DPP6: variants seen among roughly 807,000 people sequenced by gnomAD.
The protein encoded by DPP6 is A-type potassium channel modulatory protein DPP6.
DPP6 carries 69 observed loss-of-function variants against 122.6 expected under a neutral mutation model. That is an observed-to-expected ratio of 0.56 (90% CI 0.46 to 0.69). DPP6 has a LOEUF of 0.69. DPP6 is among the 30% of genes least tolerant of loss of function. The pLI, the probability that DPP6 is intolerant of heterozygous loss-of-function variation, is 0.00. For synonymous variants in DPP6, 418 were observed against 433.1 expected (o/e 0.97, Z 0.43); for missense variants, 928 against 1,116.9 (o/e 0.83, Z 2.41).
chr7:154,561,274 C>T (rs1177684404), intron 4 of DPP6, among the ~76,000 whole-genome samples: 1 of 152,194 alleles, frequency 6.6e-6, no homozygotes, highest in African/African-American at 2.4e-5. Context: ...GTGTGCATCA[C>T]ATCACTCATC....
chr7:153,863,663 A>C, the DPP6 span, among the ~76,000 whole-genome samples: 1 of 152,160 alleles, frequency 6.6e-6, no homozygotes, highest in African/African-American at 2.4e-5. Context: ...GACTGAATTT[A>C]ATTTTAGAAC....
At chr7:154,305,041 A>AGCCCCG (rs1806183747) in intron 1 of DPP6, 1 of 11,912 alleles carries the variant, frequency 8.4e-5, no homozygotes, top group Non-Finnish European at 2.5e-4. Context: ...CCCCAGCCCC[A>AGCCCCG]GCCCCAGCCC....
intron 1 of DPP6, among the ~76,000 whole-genome samples, chr7:154,134,052 G>A (rs1284495958): frequency 7.2e-5 from 11 of 151,970 alleles, no homozygotes; most frequent in Admixed American, 3.9e-4. Flanking sequence ...TTTCCACTGT[G>A]CACAGGGCTG....
At chr7:154,864,019 C>T (rs765327751) in intron 17 of DPP6, among the ~76,000 whole-genome samples, 4 of 151,936 alleles carry the variant, frequency 2.6e-5, no homozygotes, top group African/African-American at 4.8e-5. Flanking sequence ...GGAAGGTGCA[C>T]GTGAGGAGTG....
chr7:154,807,113 G>T lies in DPP6; in HGVS notation c.1666+1G>T, dbSNP rs370301037. 5 of 1,612,150 alleles carry T rather than the reference G, an allele frequency of 3.1e-6. No homozygotes were observed. Among genetic ancestry groups the T allele is most frequent in the African/African-American group, 2.7e-5 (2 of 74,918 alleles). On this transcript the variant is annotated splice_donor_variant, in intron 16 of 25. Coordinates refer to ENST00000377770, the MANE Select transcript of DPP6 (RefSeq NM_130797.4). LOFTEE classifies it high-confidence loss of function. ...GACTTCTTCCTGCTCAAGTGCGAAG[G>T]TCAGCTCCTGCCACCCCGTCAGGGC...
At chr7:153,901,561 C>T (rs1799640114) in intron 1 of DPP6, among the ~76,000 whole-genome samples, 2 of 152,330 alleles carry the variant, frequency 1.3e-5, no homozygotes, top group Non-Finnish European at 2.9e-5. Context: ...GATAGGTCAA[C>T]TAATGATAAT....
In DPP6 at chr7:154,677,308, C is replaced by T. The variant is rs140958139; in HGVS notation, c.762+7867C>T. 2.9e-3 allele frequency among the ~76,000 whole-genome samples: 445 copies of T among 152,184 alleles called. 2 individuals carry two copies. The highest frequency in any genetic ancestry group is 8.8e-3 in the African/African-American group (366 of 41,510). Reference sequence around the variant, plus strand: ...CCATGAGCATCTGCCAGTGATCCAGCGGGCACTGCTTCCTCCCAGAACCGT... The same window carrying T: ...CCATGAGCATCTGCCAGTGATCCAGTGGGCACTGCTTCCTCCCAGAACCGT... On this transcript the variant is annotated intron_variant, in intron 7 of 25. Coordinates refer to ENST00000377770, the MANE Select transcript of DPP6 (RefSeq NM_130797.4).
At chr7:154,693,092 C>G (rs1360689843) in intron 7 of DPP6, among the ~76,000 whole-genome samples, 1 of 129,974 alleles carries the variant, frequency 7.7e-6, no homozygotes, top group Non-Finnish European at 1.6e-5. Flanking sequence ...GGGCCTGGCC[C>G]TCTTTATTTT....
At chr7:153,813,390 A>G in the DPP6 span, among the ~76,000 whole-genome samples, 1 of 152,124 alleles carries the variant, frequency 6.6e-6, no homozygotes, top group African/African-American at 2.4e-5. Context: ...ATTCCATGGT[A>G]TATATGTGCC....
rs566421745 is a variant in DPP6, at chr7:154,236,394, C to T, written c.243+183331C>T. ...TGTTACTTAACACTTCAATTTATTACGAACCTAAATGGCCAGAAAGCTCAG... is the reference window on the plus strand; with the variant it reads ...TGTTACTTAACACTTCAATTTATTATGAACCTAAATGGCCAGAAAGCTCAG... On this transcript the variant is annotated intron_variant, in intron 1 of 25. Coordinates refer to ENST00000377770, the MANE Select transcript of DPP6 (RefSeq NM_130797.4). 1.4e-4 allele frequency among the ~76,000 whole-genome samples: 21 copies of T among 152,222 alleles called. No individual in the cohort carries two copies. In the South Asian group the frequency reaches 2.5e-3, roughly 18 times the overall value.
At chr7:154,557,331 T>A (rs1830117929) in intron 4 of DPP6, among the ~76,000 whole-genome samples, 1 of 152,150 alleles carries the variant, frequency 6.6e-6, no homozygotes, top group African/African-American at 2.4e-5. Flanking sequence ...CGTTAGCAAT[T>A]GACCCTCCAT....
intron 5 of DPP6, among the ~76,000 whole-genome samples, chr7:154,576,384 G>A (rs980546555): frequency 6.6e-6 from 1 of 152,066 alleles, no homozygotes; most frequent in Non-Finnish European, 1.5e-5. Context: ...CAGTGCTCCT[G>A]AGTCCCTTCC....
intron 6 of DPP6, among the ~76,000 whole-genome samples, chr7:154,645,605 C>A (rs1008930616): frequency 5.9e-5 from 9 of 152,148 alleles, no homozygotes; most frequent in African/African-American, 2.2e-4. Context: ...TGAAACAGTT[C>A]CTTTGCTCCT....
intron 3 of DPP6, among the ~76,000 whole-genome samples, chr7:154,487,793 A>C (rs1586429060): frequency 6.6e-6 from 1 of 152,202 alleles, no homozygotes; most frequent in Admixed American, 6.5e-5. Context: ...GGTCTAATTA[A>C]TTATCATTGA....
At chr7:153,919,914 G>A (rs1800551759) in intron 1 of DPP6, among the ~76,000 whole-genome samples, 1 of 152,176 alleles carries the variant, frequency 6.6e-6, no homozygotes, top group Admixed American at 6.5e-5. Context: ...GTTGGCCAGA[G>A]AATGGATTGA....
At chr7:154,171,881 CAG>C (rs1317192459) in intron 1 of DPP6, among the ~76,000 whole-genome samples, 11 of 152,244 alleles carry the variant, frequency 7.2e-5, no homozygotes, top group South Asian at 2.1e-4. Flanking sequence ...TTCCTGATTG[CAG>C]AGTCTCCAAG....
At chr7:153,870,164 G>C in the DPP6 span, among the ~76,000 whole-genome samples, 966 of 152,260 alleles carry the variant, frequency 6.3e-3, 9 homozygotes, top group African/African-American at 0.022. Context: ...TCTTTGTGGT[G>C]TTCTCTGTAC....
chr7:154,605,289 C>A lies in DPP6; in HGVS notation c.628-32532C>A, dbSNP rs1833552775. On this transcript the variant is annotated intron_variant, in intron 5 of 25. Coordinates refer to ENST00000377770, the MANE Select transcript of DPP6 (RefSeq NM_130797.4). ...TTTTAAATATACATTGACAGATGTA[C>A]TTTGAGGGTCCTCATCTTTATTTGT... 1.7e-5 allele frequency among the ~76,000 whole-genome samples: 2 copies of A among 118,752 alleles called. 1 individual carries two copies. The highest frequency in any genetic ancestry group is 5.3e-5 in the African/African-American group (2 of 37,636). The allele number at this position is 118,752 out of a possible 152,430, so 77.9% of individuals were successfully genotyped here.
At chr7:153,845,871 A>G in the DPP6 span, among the ~76,000 whole-genome samples, 1 of 152,118 alleles carries the variant, frequency 6.6e-6, no homozygotes, top group Non-Finnish European at 1.5e-5. Context: ...TGCCCTAAAT[A>G]TATTTCTGTA....
Sources: allele counts gnomAD v4.1 joint callset (sites outside exome capture counted in the v4.1 genomes callset), GRCh38; gene constraint gnomAD v4.1.1; transcripts MANE v1.5; gene names NCBI Gene and HGNC (gene_info 2026-07-23, HGNC 2026-07-21).